Variants in JAZF1 observed in about 807,000 individuals in gnomAD.
The protein encoded by JAZF1 is juxtaposed with another zinc finger protein 1.
JAZF1 carries 8 observed loss-of-function variants against 26.4 expected under a neutral mutation model. That is an observed-to-expected ratio of 0.30 (90% CI 0.18 to 0.55). JAZF1 has a LOEUF of 0.55. JAZF1 is among the 20% of genes least tolerant of loss of function. The pLI is 0.94. For synonymous variants in JAZF1, 126 were observed against 122.3 expected (o/e 1.03, Z -0.20); for missense variants, 199 against 322.0 (o/e 0.62, Z 2.92).
chr7:27,896,077 G>T (rs1214247064), intron 2 of JAZF1, among the ~76,000 whole-genome samples: 1 of 152,174 alleles, frequency 6.6e-6, no homozygotes, highest in Non-Finnish European at 1.5e-5. Flanking sequence ...GAAGATTCCA[G>T]AAGAAGGGAA....
chr7:27,876,595 T>G (rs115786640), intron 3 of JAZF1, among the ~76,000 whole-genome samples: 1,877 of 152,332 alleles, frequency 0.012, 44 homozygotes, highest in African/African-American at 0.043. Flanking sequence ...CAGCCTAGTT[T>G]CTTAAAATGT....
At chr7:28,053,111 A>G (rs1391280013) in intron 1 of JAZF1, among the ~76,000 whole-genome samples, 1 of 152,176 alleles carries the variant, frequency 6.6e-6, no homozygotes, top group African/African-American at 2.4e-5. Context: ...TGCCTAGCAT[A>G]ATGACCTTGA....
rs548111140 is a variant in JAZF1, at chr7:27,937,186, T to C, written c.189-41770A>G. 5.3e-5 allele frequency among the ~76,000 whole-genome samples: 8 copies of C among 152,272 alleles called. No individual in the cohort carries two copies. The East Asian group carries it at 1.5e-3, about 29-fold the overall frequency. On this transcript the variant is annotated intron_variant, in intron 2 of 4. Transcript: ENST00000283928. ...TTACAAACCAAAGAGATTTGTGCAT[T>C]ATGAAGAGAGCTCTTATGTCCACAA...
At position 27,883,568 on chromosome 7, in the gene JAZF1, G is replaced by A. The variant is rs543271181; in HGVS notation, c.385+11652C>T. On this transcript the variant is annotated intron_variant, in intron 3 of 4. Coordinates refer to ENST00000283928, the MANE Select transcript of JAZF1 (RefSeq NM_175061.4). ...AATCTGAGGATTTAAGTGCCTGCCC[G>A]TCAGAGAAACTGGACTACTTAGAGT... is the stretch of plus-strand genomic sequence containing the variant. Among the ~76,000 whole-genome samples, 56 of 152,322 alleles carry A rather than the reference G, an allele frequency of 3.7e-4. 1 individual carries two copies. Among genetic ancestry groups the A allele is most frequent in the Admixed American group, 1.6e-3 (24 of 15,304 alleles).
intron 1 of JAZF1, among the ~76,000 whole-genome samples, chr7:28,129,632 T>C (rs1391433786): frequency 6.6e-6 from 1 of 152,238 alleles, no homozygotes; most frequent in Admixed American, 6.5e-5. Flanking sequence ...GGGTGTTTAC[T>C]AAAGCAGTTG....
intron 1 of JAZF1, among the ~76,000 whole-genome samples, chr7:28,041,780 T>A (rs1375632847): frequency 1.3e-5 from 2 of 152,234 alleles, no homozygotes; most frequent in South Asian, 2.1e-4. Context: ...GATACTCATC[T>A]TGAGTATCTC....
chr7:28,176,583 T>C (rs1422810272), intron 1 of JAZF1, among the ~76,000 whole-genome samples: 1 of 152,208 alleles, frequency 6.6e-6, no homozygotes, highest in Non-Finnish European at 1.5e-5. Flanking sequence ...ATACCTCAAT[T>C]GTTTATTGTC....
intron 1 of JAZF1, among the ~76,000 whole-genome samples, chr7:28,048,468 A>C (rs1474468337): frequency 1.3e-5 from 2 of 152,054 alleles, no homozygotes; most frequent in Non-Finnish European, 2.9e-5. Context: ...TATTTTCAGC[A>C]CTTCTAAGTT....
chr7:27,967,899 A>G (rs1785305882), intron 2 of JAZF1, among the ~76,000 whole-genome samples: 1 of 152,248 alleles, frequency 6.6e-6, no homozygotes, highest in South Asian at 2.1e-4. Flanking sequence ...TTATTTTTAA[A>G]CAGTTTAACT....
intron 1 of JAZF1, among the ~76,000 whole-genome samples, chr7:28,134,465 GCT>G (rs1782846650): frequency 9.1e-6 from 1 of 109,918 alleles, no homozygotes; most frequent in Non-Finnish European, 1.9e-5. Flanking sequence ...AGCATGCCTA[GCT>G]TTTTTTTTTT....
chr7:28,150,105 A>G (rs1412638929), intron 1 of JAZF1, among the ~76,000 whole-genome samples: 1 of 152,216 alleles, frequency 6.6e-6, no homozygotes, highest in Non-Finnish European at 1.5e-5. Context: ...AGGACTGAGT[A>G]ACTGAAATGA....
At chr7:27,883,287 C>G (rs1783802711) in intron 3 of JAZF1, among the ~76,000 whole-genome samples, 2 of 152,170 alleles carry the variant, frequency 1.3e-5, no homozygotes, top group African/African-American at 2.4e-5. Flanking sequence ...GGACCAATGC[C>G]TCACCACTAA....
chr7:27,879,745 C>T (rs571000838), intron 3 of JAZF1, among the ~76,000 whole-genome samples: 5 of 152,002 alleles, frequency 3.3e-5, no homozygotes, highest in African/African-American at 1.2e-4. Context: ...AGAAAATATA[C>T]TTGAATGAGA....
At chr7:28,059,888 A>T (rs2128382240) in intron 1 of JAZF1, among the ~76,000 whole-genome samples, 1 of 152,246 alleles carries the variant, frequency 6.6e-6, no homozygotes, top group African/African-American at 2.4e-5. Flanking sequence ...TCTCTTTGTC[A>T]TGGTGCTCTG....
At chr7:28,057,046 A>G (rs779607981) in intron 1 of JAZF1, among the ~76,000 whole-genome samples, 12 of 152,206 alleles carry the variant, frequency 7.9e-5, no homozygotes, top group Non-Finnish European at 1.2e-4. Flanking sequence ...GAATTTCTCC[A>G]TAATAGAAAG....
intron 3 of JAZF1, among the ~76,000 whole-genome samples, chr7:27,892,440 C>T (rs141312007): frequency 1.1e-4 from 16 of 152,300 alleles, no homozygotes; most frequent in African/African-American, 3.4e-4. Flanking sequence ...ATAATAAACT[C>T]TCACTTTTAA....
At chr7:27,889,206 C>T (rs938196078) in intron 3 of JAZF1, among the ~76,000 whole-genome samples, 3 of 152,062 alleles carry the variant, frequency 2.0e-5, no homozygotes, top group African/African-American at 7.2e-5. Flanking sequence ...GTGGGTGGAG[C>T]CCAGGCAGAG....
intron 1 of JAZF1, among the ~76,000 whole-genome samples, chr7:28,084,099 C>G (rs531572595): frequency 5.0e-4 from 76 of 152,194 alleles, no homozygotes; most frequent in Non-Finnish European, 9.6e-4. Flanking sequence ...GTCTTGTAAC[C>G]ATCACACTGC....
intron 3 of JAZF1, chr7:27,843,018 G>A (rs775077560): frequency 1.3e-5 from 2 of 152,314 alleles, no homozygotes; most frequent in Non-Finnish European, 2.9e-5. Flanking sequence ...CACTGTCTGC[G>A]TCTCAGGGGG....
Sources: gnomAD v4.1 joint callset for allele counts (sites outside exome capture counted in the v4.1 genomes callset) on GRCh38, gnomAD v4.1.1 for gene constraint, MANE v1.5 for transcripts, NCBI Gene and HGNC (gene_info 2026-07-23, HGNC 2026-07-21) for gene names.